The following MTMR1 variants were observed in gnomAD, a reference collection of about 807,000 sequenced individuals.
The protein encoded by MTMR1 is phosphatidylinositol-3-phosphate phosphatase MTMR1.
MTMR1 carries 17 observed loss-of-function variants against 51.6 expected under a neutral mutation model. The observed-to-expected ratio is 0.33, with a 90% CI of 0.23 to 0.49. MTMR1 has a LOEUF of 0.49. Among genes scored for constraint, MTMR1 ranks in the 20% least tolerant of loss-of-function variants. The pLI, the probability that MTMR1 is intolerant of heterozygous loss-of-function variation, is 0.99. For missense variants in MTMR1, 386 were observed against 526.9 expected (o/e 0.73, Z 2.62); for synonymous variants, 201 against 205.6 (o/e 0.98, Z 0.19).
At chrX:150,712,453 C>T (rs2041346619) in intron 3 of MTMR1, 88 bp downstream of exon 3, 1 of 886,915 alleles carries the variant, frequency 1.1e-6, no homozygotes, top group Admixed American at 3.0e-5. Flanking sequence ...GTGTTCTTTA[C>T]CTTCTCACTG....
chrX:150,702,875 T>A (rs2040967369), intron 2 of MTMR1, among the ~76,000 whole-genome samples: 1 of 112,182 alleles, frequency 8.9e-6, no homozygotes, highest in Admixed American at 9.4e-5. Context: ...TTATACTGAA[T>A]TGTGTGGCAG....
At chrX:150,726,796 AAG>A (rs781961863) in intron 4 of MTMR1, among the ~76,000 whole-genome samples, 2 of 112,383 alleles carry the variant, frequency 1.8e-5, no homozygotes, top group Admixed American at 1.9e-4. Flanking sequence ...CTTCTGTAAA[AAG>A]AGTTTCCTTT....
chrX:150,755,672 TC>T lies in MTMR1; in HGVS notation c.1681-16del, dbSNP rs782696417. ...ATGAAGAAAAGTTTATTTCCAATGT[TC>T]TTTTTTGTTTTTCAGGATGTATATA... On this transcript the variant is annotated splice_polypyrimidine_tract_variant and intron_variant, in intron 14 of 15. Coordinates refer to ENST00000445323, the MANE Select transcript of MTMR1 (RefSeq NM_001306144.3). 4 of 1,129,153 alleles carry T rather than the reference TC, an allele frequency of 3.5e-6. No homozygotes were observed. The highest frequency in any genetic ancestry group is 4.7e-6 in the Non-Finnish European group (4 of 846,868). 93.1% of individuals were successfully genotyped at this position (1,129,153 alleles called of 1,213,427 possible).
In MTMR1 at chrX:150,708,481, T is replaced by G. The variant is rs782032285; in HGVS notation, c.253-3861T>G. On this transcript the variant is annotated intron_variant, in intron 2 of 15. Coordinates refer to ENST00000445323, the MANE Select transcript of MTMR1 (RefSeq NM_001306144.3). ...AACAACTGAAATATATAGTTATATT[T>G]CAGTTATATATATATAACTATTTAA... Among the ~76,000 whole-genome samples, 6 of 111,381 alleles carry G rather than the reference T, an allele frequency of 5.4e-5. No individual in the cohort carries two copies. In the South Asian group the frequency reaches 2.3e-3, roughly 42 times the overall value.
intron 2 of MTMR1, among the ~76,000 whole-genome samples, chrX:150,707,121 G>A (rs1408283905): frequency 9.0e-6 from 1 of 111,497 alleles, no homozygotes; most frequent in Non-Finnish European, 1.9e-5. Context: ...AACTCAAAAT[G>A]AATCACAAAC....
chrX:150,726,543 G>A (rs1204889805), intron 4 of MTMR1, among the ~76,000 whole-genome samples: 2 of 111,887 alleles, frequency 1.8e-5, no homozygotes, highest in Non-Finnish European at 3.8e-5. Context: ...TGACGTTAAT[G>A]CCTTTTGTTG....
At chrX:150,735,350 C>T (rs1259070992) in intron 10 of MTMR1, 4 of 406,565 alleles carry the variant, frequency 9.8e-6, no homozygotes, top group Non-Finnish European at 1.7e-5. Flanking sequence ...TGTGATCAGT[C>T]CCCTTCATAT....
intron 12 of MTMR1, among the ~76,000 whole-genome samples, chrX:150,738,239 C>T (rs1311862368): frequency 3.6e-5 from 4 of 111,974 alleles, no homozygotes; most frequent in East Asian, 2.8e-4. Context: ...AGTATTTGTC[C>T]TCCCATGACT....
chrX:150,760,858 C>T (rs1407608320), intron 15 of MTMR1, among the ~76,000 whole-genome samples: 2 of 104,718 alleles, frequency 1.9e-5, no homozygotes, highest in Admixed American at 1.0e-4. Context: ...ATTCGGGAGG[C>T]GGAGGTTGCA....
chrX:150,742,160 T>A (rs1352367264), intron 12 of MTMR1, among the ~76,000 whole-genome samples: 1 of 112,153 alleles, frequency 8.9e-6, no homozygotes, highest in African/African-American at 3.2e-5. Flanking sequence ...TAGGTGATTT[T>A]GTAATTGTGT....
chrX:150,704,170 C>G (rs782452820), intron 2 of MTMR1, among the ~76,000 whole-genome samples: 12 of 111,502 alleles, frequency 1.1e-4, no homozygotes, highest in Non-Finnish European at 1.7e-4. Context: ...TGTGAGTTTC[C>G]TGGGTTTGTT....
intron 7 of MTMR1, 94 bp downstream of exon 7, chrX:150,730,304 TCC>T: frequency 1.5e-6 from 1 of 649,272 alleles, no homozygotes; most frequent in Non-Finnish European, 2.2e-6. Context: ...TTTTTTTTTT[TCC>T]TCTCTTTTTT....
chrX:150,753,075 A>G (rs1448321456), intron 14 of MTMR1, among the ~76,000 whole-genome samples: 2 of 112,012 alleles, frequency 1.8e-5, no homozygotes, highest in Admixed American at 9.5e-5. Flanking sequence ...AATTCTGGAC[A>G]TTTCATAGAA....
chrX:150,740,648 CTGTT>C (rs1421339717), intron 12 of MTMR1, among the ~76,000 whole-genome samples: 2 of 111,747 alleles, frequency 1.8e-5, no homozygotes, highest in African/African-American at 6.5e-5. Flanking sequence ...CTGTCCTAGT[CTGTT>C]TGTGTTTTTA....
rs1019840934 is a variant in MTMR1 at position 150,763,456 on chromosome X, C to A, written c.*727C>A. ...CGGCTCAGCCCATTCATGGGGATGG[C>A]ACCAAGCGGCCATGCTCAGTCTTCC... On this transcript the variant is annotated 3_prime_UTR_variant, in exon 16 of 16. Coordinates refer to ENST00000445323, the MANE Select transcript of MTMR1 (RefSeq NM_001306144.3). 1.8e-5 allele frequency: 2 copies of A among 112,614 alleles called. No homozygotes were observed. Among genetic ancestry groups the A allele is most frequent in the African/African-American group, 6.5e-5 (2 of 30,980 alleles). The allele number at this position is 112,614 out of a possible 1,213,427, so 9.3% of individuals were successfully genotyped here. A position where few individuals can be genotyped will look rare whatever the true frequency, so the allele number is the denominator to read the frequency against.
rs782228518 is a variant in MTMR1 at position 150,764,070 on chromosome X, A to C, written c.*1341A>C. 5.1e-4 allele frequency: 58 copies of C among 112,732 alleles called. No homozygotes were observed. The highest frequency in any genetic ancestry group is 1.6e-3 in the African/African-American group (50 of 31,053). 9.3% of individuals were successfully genotyped at this position (112,732 alleles called of 1,213,427 possible). A position where few individuals can be genotyped will look rare whatever the true frequency, so the allele number is the denominator to read the frequency against. Reference sequence around the variant, plus strand: ...CCCCACCCCGCCACTGGCTGCAGGAATTCAGCCTTTAGAGGCAGAGGCAGC... The same window carrying C: ...CCCCACCCCGCCACTGGCTGCAGGACTTCAGCCTTTAGAGGCAGAGGCAGC... On this transcript the variant is annotated 3_prime_UTR_variant, in exon 16 of 16. Coordinates refer to ENST00000445323, the MANE Select transcript of MTMR1 (RefSeq NM_001306144.3).
At position 150,737,302 on chromosome X, in the gene MTMR1, G is replaced by A; in HGVS notation, c.1327G>A (p.Val443Met). Reference sequence around the variant, plus strand: ...AATAGAATCTGGGAAAACATCTGTGGTGGTGCATTGCAGCGACGGTTGGGA... The same window carrying A: ...AATAGAATCTGGGAAAACATCTGTGATGGTGCATTGCAGCGACGGTTGGGA... ...DKIESGKTSV[V>M]VHCSDGWDRT... is the part of the protein sequence containing the mutation. The change falls in exon 12 of 16, where the codon GTG becomes ATG. Residue 443 changes from valine (V) to methionine (M), a missense_variant. Coordinates refer to ENST00000445323, the MANE Select transcript of MTMR1 (RefSeq NM_001306144.3). 8.3e-7 allele frequency: 1 copy of A among 1,211,910 alleles called. No individual in the cohort carries two copies. Among genetic ancestry groups the A allele is most frequent in the Non-Finnish European group, 1.1e-6 (1 of 895,537 alleles).
intron 2 of MTMR1, among the ~76,000 whole-genome samples, chrX:150,708,693 A>G (rs2148570636): frequency 9.0e-6 from 1 of 111,260 alleles, no homozygotes; most frequent in South Asian, 3.8e-4. Flanking sequence ...GATGTGGGGC[A>G]TGTGAAAATA....
intron 2 of MTMR1, 74 bp downstream of exon 2, chrX:150,699,374 T>A: frequency 4.2e-6 from 3 of 712,003 alleles, no homozygotes; most frequent in Non-Finnish European, 6.2e-6. Flanking sequence ...TTAATTCAAG[T>A]GAGCTGTTGG....
Sources: allele counts gnomAD v4.1 joint callset (sites outside exome capture counted in the v4.1 genomes callset), GRCh38; gene constraint gnomAD v4.1.1; transcripts MANE v1.5; gene names NCBI Gene and HGNC (gene_info 2026-07-23, HGNC 2026-07-21).